TENM4: variants seen among roughly 807,000 people sequenced by gnomAD.
TENM4 encodes teneurin-4.
TENM4 carries 82 observed loss-of-function variants against 243.3 expected under a neutral mutation model. The ratio of observed to expected loss-of-function variants is 0.34; its 90% CI spans 0.28 to 0.40. TENM4 has a LOEUF of 0.40. Among genes scored for constraint, TENM4 ranks in the 10% least tolerant of loss-of-function variants. TENM4 has a pLI of 1.00. For synonymous variants in TENM4, 1,412 were observed against 1,456.3 expected, an observed-to-expected ratio of 0.97 and a Z score of 0.69; for missense variants, 3,138 against 3,673.3, an observed-to-expected ratio of 0.85 and a Z score of 3.77.
At chr11:79,169,315 G>T (rs1178071010) in intron 3 of TENM4, among the ~76,000 whole-genome samples, 1 of 152,218 alleles carries the variant, frequency 6.6e-6, no homozygotes, top group Non-Finnish European at 1.5e-5. Flanking sequence ...CAGACTTGTG[G>T]CCTCAGTAGC....
chr11:79,245,850 G>T (rs1003948964), intron 2 of TENM4, among the ~76,000 whole-genome samples: 2 of 146,056 alleles, frequency 1.4e-5, no homozygotes, highest in Non-Finnish European at 3.0e-5. Flanking sequence ...TGAGACAGGA[G>T]AATTGCTTGA....
intron 25 of TENM4, among the ~76,000 whole-genome samples, chr11:78,714,866 A>G (rs758843631): frequency 2.0e-5 from 3 of 152,038 alleles, no homozygotes; most frequent in Non-Finnish European, 2.9e-5. Context: ...CTCCCCGTGC[A>G]TGGAGATTTG....
intron 6 of TENM4, among the ~76,000 whole-genome samples, chr11:78,963,171 G>A (rs1198065669): frequency 1.8e-4 from 28 of 152,168 alleles, no homozygotes; most frequent in Non-Finnish European, 2.9e-5. Context: ...TATAATTTTA[G>A]GACACTCACA....
chr11:79,273,643 C>T (rs1856005987), intron 2 of TENM4, among the ~76,000 whole-genome samples: 1 of 152,070 alleles, frequency 6.6e-6, no homozygotes. Context: ...TGGAGCCGGG[C>T]CTGGAACCAG....
intron 4 of TENM4, among the ~76,000 whole-genome samples, chr11:79,070,685 G>T (rs1860391953): frequency 6.6e-6 from 1 of 152,134 alleles, no homozygotes; most frequent in African/African-American, 2.4e-5. Flanking sequence ...TACACAGTAG[G>T]CGCATAATAA....
Position 79,139,122 on chromosome 11 carries a change from A to G in TENM4, c.-66+9588T>C, listed in dbSNP as rs1380229530. 8.9e-5 allele frequency among the ~76,000 whole-genome samples: 6 copies of G among 67,076 alleles called. 1 individual carries two copies. The highest frequency in any genetic ancestry group is 4.0e-4 in the African/African-American group (5 of 12,528). 44.0% of individuals were successfully genotyped at this position (67,076 alleles called of 152,430 possible). ...TATAAAATATATATTATATTTCTATAAATATATATTATATTTCTATAAATA... is the reference window on the plus strand; with the variant it reads ...TATAAAATATATATTATATTTCTATGAATATATATTATATTTCTATAAATA... On this transcript the variant is annotated intron_variant, in intron 4 of 33. Transcript: ENST00000278550.
At chr11:79,313,793 C>G (rs911666075) in intron 1 of TENM4, among the ~76,000 whole-genome samples, 2 of 152,152 alleles carry the variant, frequency 1.3e-5, no homozygotes, top group Admixed American at 1.3e-4. Context: ...GGCCCTGCCT[C>G]GGACTCATCT....
chr11:79,324,427 A>T (rs997265960), intron 1 of TENM4, among the ~76,000 whole-genome samples: 2 of 152,094 alleles, frequency 1.3e-5, no homozygotes, highest in Middle Eastern at 3.4e-3. Flanking sequence ...CGCTATGTTG[A>T]CCAGGCTGGT....
intron 7 of TENM4, among the ~76,000 whole-genome samples, 178 bp from the exon 8 acceptor site, chr11:78,891,514 A>C (rs1178606029): frequency 6.6e-6 from 1 of 152,250 alleles, no homozygotes; most frequent in African/African-American, 2.4e-5. Context: ...CCTGGCACAG[A>C]GCATCCAGAG....
chr11:78,856,046 T>A lies in TENM4; in HGVS notation c.1388A>T (p.His463Leu), dbSNP rs773691801. ...TCCCAGAGACACATTGAATTTCAGA[T>A]GCACAGGATGGTCTATGAACACTTG... is the stretch of plus-strand genomic sequence containing the variant. ...RSQVFIDHPV[H>L]LKFNVSLGKA... Residue 463 changes from histidine (H) to leucine (L), a missense_variant, in exon 11 of 34, where the codon CAT (histidine) becomes CTT (leucine). His to Leu is a moderately conservative substitution (Grantham distance 99). Coordinates refer to ENST00000278550, the MANE Select transcript of TENM4 (RefSeq NM_001098816.3). The A allele has an allele frequency of 1.0e-4, 157 of 1,551,602 alleles. No individual in the cohort carries two copies. The highest frequency in any genetic ancestry group is 1.1e-4 in the Non-Finnish European group (128 of 1,147,016).
chr11:78,714,508 G>T (rs1160300692), intron 25 of TENM4, among the ~76,000 whole-genome samples: 1 of 146,490 alleles, frequency 6.8e-6, no homozygotes, highest in Non-Finnish European at 1.5e-5. Flanking sequence ...CCAAGGGGAG[G>T]TCTCTCCGCC....
At chr11:78,917,566 A>G (rs1311877629) in intron 6 of TENM4, among the ~76,000 whole-genome samples, 2 of 152,156 alleles carry the variant, frequency 1.3e-5, no homozygotes, top group Non-Finnish European at 2.9e-5. Flanking sequence ...AAGCCAAGTC[A>G]TACTACAAAC....
intron 7 of TENM4, among the ~76,000 whole-genome samples, chr11:78,892,855 G>C (rs184879262): frequency 1.8e-3 from 269 of 152,272 alleles, no homozygotes; most frequent in African/African-American, 6.3e-3. Context: ...CTGGAGCCTG[G>C]GGTTATCTGA....
intron 21 of TENM4, 129 bp from the exon 22 acceptor site, chr11:78,729,772 A>T: frequency 8.2e-7 from 1 of 1,215,126 alleles, no homozygotes; most frequent in Non-Finnish European, 1.1e-6. Flanking sequence ...GAGGAGGGGA[A>T]AAAAAGAGGA....
At chr11:78,810,782 G>A (rs1857481875) in intron 14 of TENM4, among the ~76,000 whole-genome samples, 1 of 152,142 alleles carries the variant, frequency 6.6e-6, no homozygotes, top group Non-Finnish European at 1.5e-5. Flanking sequence ...AGAGCAAAAT[G>A]ACGCCTGGGA....
At chr11:79,052,387 T>G (rs574720671) in intron 6 of TENM4, among the ~76,000 whole-genome samples, 4 of 152,348 alleles carry the variant, frequency 2.6e-5, no homozygotes, top group African/African-American at 9.6e-5. Context: ...TGGTGAGCTT[T>G]CTTTCGTATG....
chr11:78,784,201 A>G (rs1856890894), intron 16 of TENM4, among the ~76,000 whole-genome samples: 1 of 152,248 alleles, frequency 6.6e-6, no homozygotes, highest in African/African-American at 2.4e-5. Flanking sequence ...TTTTCACATC[A>G]GCAGTTTTTT....
chr11:78,923,431 C>T (rs1856488952), intron 6 of TENM4, among the ~76,000 whole-genome samples: 1 of 152,182 alleles, frequency 6.6e-6, no homozygotes. Context: ...ACCTCATCCC[C>T]TGAGCCAATG....
At chr11:79,018,565 T>C (rs1365660095) in intron 6 of TENM4, among the ~76,000 whole-genome samples, 3 of 151,998 alleles carry the variant, frequency 2.0e-5, no homozygotes, top group Non-Finnish European at 4.4e-5. Context: ...GATAAAGAAA[T>C]GGAACTTGGG....
Sources: gnomAD v4.1 joint callset for allele counts (sites outside exome capture counted in the v4.1 genomes callset) on GRCh38, gnomAD v4.1.1 for gene constraint, MANE v1.5 for transcripts, NCBI Gene and HGNC (gene_info 2026-07-23, HGNC 2026-07-21) for gene names.